Variants in TLK1 observed in about 807,000 individuals in gnomAD.
TLK1 encodes the protein tousled like kinase 1, also known as serine/threonine-protein kinase tousled-like 1.
A neutral mutation model predicts 105.3 loss-of-function variants in TLK1; 24 were observed. The observed-to-expected ratio is 0.23, with a 90% CI of 0.17 to 0.32. The LOEUF (loss-of-function observed/expected upper bound fraction) is 0.32. TLK1 is among the 10% of genes least tolerant of loss of function. TLK1 has a pLI of 1.00. For synonymous variants in TLK1, 321 were observed against 310.4 expected (o/e 1.03, Z -0.36); for missense variants, 558 against 910.5 (o/e 0.61, Z 4.98).
chr2:171,194,386 GT>G, intron 1 of TLK1, among the ~76,000 whole-genome samples: 1 of 152,156 alleles, frequency 6.6e-6, no homozygotes, highest in East Asian at 1.9e-4. Flanking sequence ...ATCCTGTGAT[GT>G]TTTTTCCCAT....
At chr2:171,065,350 G>A (rs937267302) in intron 3 of TLK1, among the ~76,000 whole-genome samples, 3 of 152,100 alleles carry the variant, frequency 2.0e-5, no homozygotes, top group Admixed American at 1.3e-4. Context: ...AATCACTATA[G>A]TTAATAGACA....
intron 3 of TLK1, among the ~76,000 whole-genome samples, chr2:171,074,712 G>C (rs971357883): frequency 6.6e-6 from 1 of 150,916 alleles, no homozygotes. Flanking sequence ...AACAAAGTGA[G>C]AACATACTAG....
At chr2:171,034,603 T>C (rs969177087) in intron 11 of TLK1, among the ~76,000 whole-genome samples, 8 of 152,170 alleles carry the variant, frequency 5.3e-5, no homozygotes. Flanking sequence ...AGGGAGTGAT[T>C]ACTTAACGTG....
At chr2:171,060,938 A>G in intron 4 of TLK1, 143 bp downstream of exon 4, 1 of 696,436 alleles carries the variant, frequency 1.4e-6, no homozygotes, top group East Asian at 2.9e-5. Context: ...GCCTAAAAGC[A>G]ATCATTATAC....
In TLK1 at chr2:171,041,817, A is replaced by T. The variant is rs186807322; in HGVS notation, c.1169+4357T>A. Among the ~76,000 whole-genome samples, 223 of 152,310 alleles carry T rather than the reference A, an allele frequency of 1.5e-3. 2 individuals are homozygous for T. Among genetic ancestry groups the T allele is most frequent in the Non-Finnish European group, 2.4e-3 (163 of 68,032 alleles). ...TGATAGACAATTGATAACTAGATTC[A>T]TAACTTGTCCCCTAATTATACTAGA... is the stretch of plus-strand genomic sequence containing the variant. On this transcript the variant is annotated intron_variant, in intron 11 of 20. Coordinates refer to ENST00000431350, the MANE Select transcript of TLK1 (RefSeq NM_012290.5).
chr2:171,133,778 T>C (rs1046262449), intron 1 of TLK1, among the ~76,000 whole-genome samples: 1 of 151,486 alleles, frequency 6.6e-6, no homozygotes, highest in Non-Finnish European at 1.5e-5. Context: ...TTTTTTAATA[T>C]TTGAGTGTAC....
intron 12 of TLK1, among the ~76,000 whole-genome samples, chr2:171,021,062 T>C (rs1276044522): frequency 6.6e-6 from 1 of 152,104 alleles, no homozygotes; most frequent in African/African-American, 2.4e-5. Context: ...TTTCTGGGGG[T>C]GTGTGGAGGG....
intron 3 of TLK1, among the ~76,000 whole-genome samples, chr2:171,067,257 T>G (rs1688043015): frequency 6.6e-6 from 1 of 151,714 alleles, no homozygotes; most frequent in Admixed American, 6.6e-5. Flanking sequence ...TCTCCTGGGT[T>G]CATGCTATTC....
intron 2 of TLK1, among the ~76,000 whole-genome samples, chr2:171,100,141 G>A (rs1689625927): frequency 6.6e-6 from 1 of 152,134 alleles, no homozygotes; most frequent in African/African-American, 2.4e-5. Flanking sequence ...TGGAAAATAA[G>A]CACATGAAAA....
upstream of TLK1, among the ~76,000 whole-genome samples, chr2:171,162,862 G>T (rs751670770): frequency 5.3e-5 from 8 of 152,136 alleles, no homozygotes; most frequent in Non-Finnish European, 1.0e-4. Flanking sequence ...GTGCCATCTC[G>T]GCTCACTGCA....
At position 171,032,724 on chromosome 2, in the gene TLK1, G is replaced by A. The variant is rs116052318; in HGVS notation, c.1170-4319C>T. ...TTCAGAAATAAACCCAAAAATCTACGGCCAGTTGATTTTTGACAAGAGTAC... is the reference window on the plus strand; with the variant it reads ...TTCAGAAATAAACCCAAAAATCTACAGCCAGTTGATTTTTGACAAGAGTAC... On this transcript the variant is annotated intron_variant, in intron 11 of 20. Coordinates refer to ENST00000431350, the MANE Select transcript of TLK1 (RefSeq NM_012290.5). Among the ~76,000 whole-genome samples, 213 of 152,056 alleles carry A rather than the reference G, an allele frequency of 1.4e-3. 2 individuals are homozygous for A. The highest frequency in any genetic ancestry group is 4.9e-3 in the African/African-American group (205 of 41,476).
intron 8 of TLK1, among the ~76,000 whole-genome samples, chr2:171,052,333 C>T (rs961050444): frequency 1.3e-5 from 2 of 152,110 alleles, no homozygotes; most frequent in Admixed American, 1.3e-4. Context: ...ATGGAAAATG[C>T]GTATGCCCTG....
chr2:171,070,585 T>C (rs957643061), intron 3 of TLK1, among the ~76,000 whole-genome samples: 4 of 152,204 alleles, frequency 2.6e-5, no homozygotes, highest in Non-Finnish European at 5.9e-5. Context: ...GTTCCATCCA[T>C]GTTGTTGCAA....
intron 5 of TLK1, 81 bp from the exon 6 acceptor site, chr2:171,056,647 T>C (rs1445411887): frequency 2.7e-6 from 3 of 1,129,916 alleles, no homozygotes; most frequent in Non-Finnish European, 3.9e-6. Flanking sequence ...TAAGAATTAA[T>C]CTAAATATAC....
In TLK1 at chr2:171,024,945, C is replaced by A. The variant is rs564836442; in HGVS notation, c.1236+3394G>T. On this transcript the variant is annotated intron_variant, in intron 12 of 20. Transcript: ENST00000431350. The stretch of plus-strand genomic sequence containing the variant: ...ACAATAAATATTAGATAAAAGAATT[C>A]TTGATACAGTTGAGAGGAAAAAAAG... 4.7e-5 allele frequency among the ~76,000 whole-genome samples: 7 copies of A among 148,324 alleles called. No homozygotes were observed. The East Asian group carries it at 7.7e-4, about 16-fold the overall frequency.
upstream of TLK1, among the ~76,000 whole-genome samples, chr2:171,165,062 C>T (rs1025278239): frequency 8.5e-5 from 13 of 152,158 alleles, no homozygotes; most frequent in Non-Finnish European, 1.5e-5. Context: ...GAGACACGTG[C>T]CACTCTGTAG....
chr2:171,213,345 G>A (rs890031502), intron 1 of TLK1, among the ~76,000 whole-genome samples: 10 of 151,620 alleles, frequency 6.6e-5, no homozygotes, highest in Non-Finnish European at 1.3e-4. Context: ...TGGGACTACA[G>A]GCATGCACCA....
Position 171,078,698 on chromosome 2 carries a change from T to C in TLK1, c.330+4083A>G, listed in dbSNP as rs116425907. ...AGTCTCAGTAACCAAAGTTAGAGAA[T>C]CTGAAAAAGGCAGAGCCCAAACAGC... On this transcript the variant is annotated intron_variant, in intron 3 of 20. Transcript: ENST00000431350. Among the ~76,000 whole-genome samples, 394 of 152,286 alleles carry C rather than the reference T, an allele frequency of 2.6e-3. 3 individuals are homozygous for C. Among genetic ancestry groups the C allele is most frequent in the African/African-American group, 8.9e-3 (370 of 41,554 alleles).
At chr2:171,157,966 A>G (rs1470375839) in intron 1 of TLK1, among the ~76,000 whole-genome samples, 3 of 152,212 alleles carry the variant, frequency 2.0e-5, no homozygotes, top group African/African-American at 7.2e-5. Context: ...ACTAGCAGTA[A>G]CTAGCAGTTA....
Sources: allele counts gnomAD v4.1 joint callset (sites outside exome capture counted in the v4.1 genomes callset), GRCh38; gene constraint gnomAD v4.1.1; transcripts MANE v1.5; gene names NCBI Gene and HGNC (gene_info 2026-07-23, HGNC 2026-07-21).